PDE1A: variants seen among roughly 807,000 people sequenced by gnomAD.
PDE1A encodes the protein dual specificity calcium/calmodulin-dependent 3',5'-cyclic nucleotide phosphodiesterase 1A.
In PDE1A, 35 loss-of-function variants were observed where a neutral mutation model predicts 61.7. The observed-to-expected ratio is 0.57, with a 90% CI of 0.43 to 0.75. PDE1A has a LOEUF of 0.75. Among genes scored for constraint, PDE1A ranks in the 30% least tolerant of loss-of-function variants. PDE1A has a pLI of 0.00. For missense variants in PDE1A, 597 were observed against 630.6 expected, an observed-to-expected ratio of 0.95 and a Z score of 0.57; for synonymous variants, 232 against 213.2, an observed-to-expected ratio of 1.09 and a Z score of -0.77.
At chr2:182,215,561 C>A (rs1688093664) in intron 7 of PDE1A, among the ~76,000 whole-genome samples, 1 of 149,140 alleles carries the variant, frequency 6.7e-6, no homozygotes, top group African/African-American at 2.5e-5. Flanking sequence ...CTAATAGACG[C>A]AATAAAAAAT....
chr2:182,430,421 C>T (rs369624242), upstream of PDE1A, among the ~76,000 whole-genome samples: 24 of 85,610 alleles, frequency 2.8e-4, no homozygotes, highest in East Asian at 7.5e-3. Context: ...CATCTCACAC[C>T]AGTTAGAATG....
At chr2:182,293,944 C>G (rs147665632) in intron 1 of PDE1A, among the ~76,000 whole-genome samples, 1 of 152,208 alleles carries the variant, frequency 6.6e-6, no homozygotes, top group African/African-American at 2.4e-5. Flanking sequence ...TTCAGGGTTC[C>G]TGGATCATCA....
chr2:182,502,354 CTGTG>C (rs1212472734), intron 2 of PDE1A, among the ~76,000 whole-genome samples: 5 of 151,692 alleles, frequency 3.3e-5, no homozygotes, highest in Non-Finnish European at 7.4e-5. Context: ...GTCTGTGTGT[CTGTG>C]TATCTGTATC....
At chr2:182,644,577 C>T in the PDE1A span, among the ~76,000 whole-genome samples, 15 of 152,146 alleles carry the variant, frequency 9.9e-5, no homozygotes, top group South Asian at 6.2e-4. Context: ...AGTTACTAAA[C>T]TAGAAGATTG....
the PDE1A span, among the ~76,000 whole-genome samples, chr2:182,529,810 C>T: frequency 6.6e-6 from 1 of 152,214 alleles, no homozygotes; most frequent in African/African-American, 2.4e-5. Flanking sequence ...TCTCTCTTGT[C>T]TGCCACCATA....
At chr2:182,146,184 A>G (rs2125260684), downstream of PDE1A, among the ~76,000 whole-genome samples, 1 of 152,360 alleles carries the variant, frequency 6.6e-6, no homozygotes, top group South Asian at 2.1e-4. Flanking sequence ...AAATATCAAC[A>G]GACTGGCTTA....
chr2:182,401,725 G>A (rs1702009208), intron 1 of PDE1A, among the ~76,000 whole-genome samples: 2 of 152,210 alleles, frequency 1.3e-5, no homozygotes. Flanking sequence ...AGGAAGAGAG[G>A]AAGACAAATT....
chr2:182,612,107 A>G, the PDE1A span, among the ~76,000 whole-genome samples: 1 of 152,268 alleles, frequency 6.6e-6, no homozygotes, highest in Admixed American at 6.5e-5. Flanking sequence ...ACAAATATAC[A>G]CAATATTTTA....
At chr2:182,358,094 G>A (rs79481586) in intron 1 of PDE1A, among the ~76,000 whole-genome samples, 2 of 152,240 alleles carry the variant, frequency 1.3e-5, no homozygotes, top group East Asian at 3.9e-4. Flanking sequence ...TGTGTTTTGG[G>A]TGGACATGAT....
chr2:182,303,640 G>C (rs879628111), intron 1 of PDE1A, among the ~76,000 whole-genome samples: 1 of 152,166 alleles, frequency 6.6e-6, no homozygotes, highest in Non-Finnish European at 1.5e-5. Flanking sequence ...AGTAGAGTCA[G>C]CCTGTCCTTT....
the PDE1A span, among the ~76,000 whole-genome samples, chr2:182,552,262 G>GA: frequency 6.6e-6 from 1 of 151,874 alleles, no homozygotes; most frequent in Non-Finnish European, 1.5e-5. Flanking sequence ...AAAACAGGGA[G>GA]AAAAATAGAT....
the PDE1A span, among the ~76,000 whole-genome samples, chr2:182,628,184 C>T: frequency 2.1e-4 from 32 of 152,132 alleles, no homozygotes; most frequent in African/African-American, 7.5e-4. Flanking sequence ...TTATTGTTAT[C>T]GCTAATTTTC....
At position 182,386,977 on chromosome 2, in the gene PDE1A, A is replaced by G. The variant is rs184836958; in HGVS notation, c.53+39601T>C. Among the ~76,000 whole-genome samples, 790 of 152,352 alleles carry G rather than the reference A, an allele frequency of 5.2e-3. 10 individuals carry two copies. The highest frequency in any genetic ancestry group is 9.9e-3 in the Non-Finnish European group (676 of 68,030). ...ACGACGGCGGTTTTGTGAAATAGAA[A>G]AGGGGGAAAGGTGGGGAAAAGATAG... On this transcript the variant is annotated intron_variant, in intron 1 of 13. Transcript: ENST00000351439.
the PDE1A span, among the ~76,000 whole-genome samples, chr2:182,528,310 T>C: frequency 6.6e-6 from 1 of 152,158 alleles, no homozygotes; most frequent in Non-Finnish European, 1.5e-5. Flanking sequence ...TCTTGCTATG[T>C]TTTAGCAAAG....
At chr2:182,406,546 A>G (rs1409004916) in intron 1 of PDE1A, among the ~76,000 whole-genome samples, 1 of 152,204 alleles carries the variant, frequency 6.6e-6, no homozygotes, top group Admixed American at 6.5e-5. Flanking sequence ...ATTTCCCACA[A>G]TCATCCAAGA....
the PDE1A span, among the ~76,000 whole-genome samples, chr2:182,599,994 C>G: frequency 6.6e-6 from 1 of 152,148 alleles, no homozygotes. Flanking sequence ...TCCCTTGAAG[C>G]CTGGTCTAGG....
chr2:182,158,378 C>G (rs1691207184), intron 13 of PDE1A, among the ~76,000 whole-genome samples: 1 of 152,176 alleles, frequency 6.6e-6, no homozygotes, highest in African/African-American at 2.4e-5. Flanking sequence ...GTTTTGTTAT[C>G]TCTACATCAA....
chr2:182,213,243 C>T (rs1218838747), intron 7 of PDE1A, among the ~76,000 whole-genome samples: 1 of 146,346 alleles, frequency 6.8e-6, no homozygotes, highest in African/African-American at 2.5e-5. Flanking sequence ...ACAGAAAGGA[C>T]ATCCACACCA....
the PDE1A span, among the ~76,000 whole-genome samples, chr2:182,549,632 C>T: frequency 1.3e-5 from 2 of 152,006 alleles, no homozygotes; most frequent in South Asian, 2.1e-4. Flanking sequence ...TAAGTAAAGG[C>T]AAAACTGGGG....
Sources: gnomAD v4.1 joint callset for allele counts (sites outside exome capture counted in the v4.1 genomes callset) on GRCh38, gnomAD v4.1.1 for gene constraint, MANE v1.5 for transcripts, NCBI Gene and HGNC (gene_info 2026-07-23, HGNC 2026-07-21) for gene names.